The following NEBL variants were observed in gnomAD, a reference collection of about 807,000 sequenced individuals.
NEBL encodes LIM and SH3 protein 2.
NEBL carries 122 observed loss-of-function variants against 140.2 expected under a neutral mutation model. That is an observed-to-expected ratio of 0.87 (90% CI 0.75 to 1.01). NEBL has a LOEUF of 1.01. NEBL is among the 50% of genes least tolerant of loss of function. The pLI, the probability that NEBL is intolerant of heterozygous loss-of-function variation, is 0.00. For missense variants in NEBL, 1,365 were observed against 1,231.3 expected, an observed-to-expected ratio of 1.11 and a Z score of -1.62; for synonymous variants, 436 against 398.9, an observed-to-expected ratio of 1.09 and a Z score of -1.11.
chr10:21,005,641 G>A (rs1400199122), intron 3 of NEBL, among the ~76,000 whole-genome samples: 1 of 152,110 alleles, frequency 6.6e-6, no homozygotes. Context: ...GGCTCAGGTG[G>A]GAGGACCACT....
chr10:21,056,231 C>T (rs1330836250), intron 2 of NEBL, among the ~76,000 whole-genome samples: 1 of 152,254 alleles, frequency 6.6e-6, no homozygotes, highest in African/African-American at 2.4e-5. Context: ...CACCCAGATC[C>T]CTGATTGCAA....
At chr10:21,257,646 G>A (rs1258608450) in intron 1 of NEBL, among the ~76,000 whole-genome samples, 1 of 152,174 alleles carries the variant, frequency 6.6e-6, no homozygotes, top group Non-Finnish European at 1.5e-5. Flanking sequence ...AGCACTTTGG[G>A]AGGCCGAGGC....
intron 9 of NEBL, among the ~76,000 whole-genome samples, chr10:20,856,522 T>C (rs925033225): frequency 1.3e-5 from 2 of 152,150 alleles, no homozygotes; most frequent in African/African-American, 2.4e-5. Context: ...AAAGAATGAA[T>C]GTGAAGAAAG....
rs1048472122 is a variant in NEBL at position 20,780,483 on chromosome 10, A to G, written c.*5264T>C. ...AGGAAAATATCTTGACTGATTCACC[A>G]ATGTAAATGCACTGAAGGCAGCACA... is the stretch of plus-strand genomic sequence containing the variant. On this transcript the variant is annotated 3_prime_UTR_variant, in exon 28 of 28. Transcript: ENST00000377122. The G allele has an allele frequency of 2.0e-5, 3 of 152,178 alleles. No homozygotes were observed. Among genetic ancestry groups the G allele is most frequent in the Middle Eastern group, 3.2e-3 (1 of 316 alleles). 9.4% of individuals were successfully genotyped at this position (152,178 alleles called of 1,614,324 possible). A position where few individuals can be genotyped will look rare whatever the true frequency, so the allele number is the denominator to read the frequency against.
chr10:20,905,922 C>A (rs923065028), intron 4 of NEBL, among the ~76,000 whole-genome samples: 1 of 152,154 alleles, frequency 6.6e-6, no homozygotes, highest in Non-Finnish European at 1.5e-5. Context: ...GCAGTTATAA[C>A]AATTCCTAGT....
chr10:21,112,073 T>C (rs1018594919), intron 2 of NEBL, among the ~76,000 whole-genome samples: 20 of 152,180 alleles, frequency 1.3e-4, no homozygotes, highest in African/African-American at 3.6e-4. Context: ...TGGCGATCAT[T>C]GAAAAGTCAG....
chr10:20,828,579 T>C lies in NEBL; in HGVS notation c.1727A>G (p.Asp576Gly), dbSNP rs1406462430. The change falls in exon 17 of 28, where the codon GAT becomes GGT. Residue 576 changes from aspartate (D) to glycine (G), a missense_variant. Physicochemically the swap from Asp to Gly is moderately conservative, Grantham distance 94. This residue lies in a region of NEBL where 1,323 missense variants were observed against 1,154.8 expected (regional missense o/e 1.15). Coordinates refer to ENST00000377122, the MANE Select transcript of NEBL (RefSeq NM_006393.3). ...CTTAATTCTCTGAATTTCAGGAGTA[T>C]CTGCTATGGTAGAATAGTTAGAAAG... The part of the protein sequence containing the change: ...KMLSNYSTIA[D>G]TPEIQRIKTT... The C allele has an allele frequency of 6.3e-7, 1 of 1,597,594 alleles. No homozygotes were observed. The highest frequency in any genetic ancestry group is 1.1e-5 in the South Asian group (1 of 90,728).
intron 3 of NEBL, among the ~76,000 whole-genome samples, chr10:21,208,101 C>T (rs1216930129): frequency 6.6e-6 from 1 of 152,062 alleles, no homozygotes; most frequent in Non-Finnish European, 1.5e-5. Flanking sequence ...AATCCATTTC[C>T]CTGAGGAGTT....
In NEBL at chr10:20,784,739, T is replaced by C. The variant is rs1420252627; in HGVS notation, c.*1008A>G. 1.3e-5 allele frequency: 2 copies of C among 152,362 alleles called. No homozygotes were observed. The highest frequency in any genetic ancestry group is 4.8e-5 in the African/African-American group (2 of 41,578). The allele number at this position is 152,362 out of a possible 1,614,324, so 9.4% of individuals were successfully genotyped here. A position where few individuals can be genotyped will look rare whatever the true frequency, so the allele number is the denominator to read the frequency against. ...CATTAAGTTAATCAAAGCTGTTCAA[T>C]GGAACACCTAAATCGCTTATTTACT... On this transcript the variant is annotated 3_prime_UTR_variant, in exon 28 of 28. Coordinates refer to ENST00000377122, the MANE Select transcript of NEBL (RefSeq NM_006393.3).
chr10:20,815,863 G>A, intron 21 of NEBL, 146 bp from the exon 22 acceptor site: 1 of 674,474 alleles, frequency 1.5e-6, no homozygotes. Context: ...CGATCTCCCA[G>A]GCTCAGGCAA....
chr10:21,002,306 A>C (rs1488181984), intron 3 of NEBL, among the ~76,000 whole-genome samples: 1 of 152,154 alleles, frequency 6.6e-6, no homozygotes, highest in Non-Finnish European at 1.5e-5. Context: ...CGTCATATAG[A>C]ATTGCAGATT....
At chr10:21,186,876 A>G (rs909011754) in intron 3 of NEBL, among the ~76,000 whole-genome samples, 5 of 152,062 alleles carry the variant, frequency 3.3e-5, no homozygotes, top group Non-Finnish European at 7.4e-5. Flanking sequence ...GACAAGGGAA[A>G]AAAAAGCCTG....
chr10:20,823,324 C>G, intron 18 of NEBL, 24 bp from the exon 19 acceptor site: 1 of 1,508,766 alleles, frequency 6.6e-7, no homozygotes, highest in Non-Finnish European at 9.2e-7. Context: ...AAGAATATAA[C>G]GTTAACTTTA....
chr10:21,122,292 C>T (rs539765030), intron 2 of NEBL, among the ~76,000 whole-genome samples: 2 of 152,116 alleles, frequency 1.3e-5, no homozygotes, highest in South Asian at 4.2e-4. Context: ...TCCCAAAGTA[C>T]TGGAATTACA....
intron 3 of NEBL, among the ~76,000 whole-genome samples, chr10:21,222,828 TCTCAG>T (rs1679749907): frequency 6.6e-6 from 1 of 152,242 alleles, no homozygotes; most frequent in South Asian, 2.1e-4. Flanking sequence ...AATGGTGCGA[TCTCAG>T]CTCACTGCAA....
At chr10:21,090,309 T>C (rs1205524990) in intron 2 of NEBL, among the ~76,000 whole-genome samples, 3 of 152,254 alleles carry the variant, frequency 2.0e-5, no homozygotes, top group Non-Finnish European at 4.4e-5. Context: ...TCCGTATCCA[T>C]GAACTCAACC....
Position 21,250,928 on chromosome 10 carries a change from T to C in NEBL, n.279+804A>G, listed in dbSNP as rs1454467581. On this transcript the variant is annotated intron_variant and non_coding_transcript_variant, in intron 2 of 8. Coordinates refer to the NEBL transcript ENST00000675702. ...TAATAATAATCTTTTGGCAATATGG[T>C]ATGTTTCTTTTTACTAAGTAATGAA... 2.0e-5 allele frequency among the ~76,000 whole-genome samples: 3 copies of C among 152,200 alleles called. No homozygotes were observed. In the East Asian group the frequency reaches 5.8e-4, roughly 29 times the overall value.
rs1300127551 is a variant in NEBL, at chr10:20,902,361, G to A, written c.357+59311C>T. ...GCAGAGCTTGCAGTGAGCCAAGATCGCACCACTGCACTCCAGCCTGGGCAA... is the reference window on the plus strand; with the variant it reads ...GCAGAGCTTGCAGTGAGCCAAGATCACACCACTGCACTCCAGCCTGGGCAA... On this transcript the variant is annotated intron_variant, in intron 4 of 6. Transcript: ENST00000417816. Among the ~76,000 whole-genome samples, 9 of 151,758 alleles carry A rather than the reference G, an allele frequency of 5.9e-5. No homozygotes were observed. In the South Asian group the frequency reaches 8.3e-4, roughly 14 times the overall value.
At position 21,239,796 on chromosome 10, in the gene NEBL, T is replaced by C. The variant is rs189592705; in HGVS notation, n.348+8125A>G. Among the ~76,000 whole-genome samples the C allele has an allele frequency of 2.4e-3, 359 of 151,820 alleles. 1 individual carries two copies. Among genetic ancestry groups the C allele is most frequent in the Non-Finnish European group, 3.4e-3 (232 of 67,890 alleles). On this transcript the variant is annotated intron_variant and non_coding_transcript_variant, in intron 3 of 8. Transcript: ENST00000675702. ...ACTTTGGAGGTTGAGGTGGGCGGAT[T>C]ACAAGGTCAGGAGATCAAGACCATC...
Sources: gnomAD v4.1 joint callset for allele counts (sites outside exome capture counted in the v4.1 genomes callset) on GRCh38, gnomAD v4.1.1 for gene constraint, gnomAD v4.1.1 regional missense constraint, MANE v1.5 for transcripts, NCBI Gene and HGNC (gene_info 2026-07-23, HGNC 2026-07-21) for gene names.